TJP1: variants seen among roughly 807,000 people sequenced by gnomAD.
TJP1 encodes the protein tight junction protein ZO-1.
In TJP1, 43 loss-of-function variants were observed where a neutral mutation model predicts 194.2. The observed-to-expected ratio is 0.22, with a 90% CI of 0.17 to 0.29. TJP1 has a LOEUF of 0.29. Among genes scored for constraint, TJP1 ranks in the 10% least tolerant of loss-of-function variants. The pLI, the probability that TJP1 is intolerant of heterozygous loss-of-function variation, is 1.00. For missense variants in TJP1, 1,971 were observed against 2,185.7 expected (o/e 0.90, Z 1.96); for synonymous variants, 801 against 779.0 (o/e 1.03, Z -0.47).
chr15:29,950,710 T>C (rs1472748227), intron 2 of TJP1, among the ~76,000 whole-genome samples: 1 of 152,178 alleles, frequency 6.6e-6, no homozygotes, highest in Non-Finnish European at 1.5e-5. Flanking sequence ...CTTTCTACCG[T>C]GTTCTCACCA....
chr15:29,845,170 A>G (rs190886807), intron 2 of TJP1, among the ~76,000 whole-genome samples: 1 of 152,316 alleles, frequency 6.6e-6, no homozygotes, highest in East Asian at 1.9e-4. Flanking sequence ...TAAGTTTAAG[A>G]TGAGAATTTG....
At chr15:29,739,007 A>C (rs1297370979) in intron 10 of TJP1, among the ~76,000 whole-genome samples, 2 of 151,890 alleles carry the variant, frequency 1.3e-5, no homozygotes, top group Non-Finnish European at 1.5e-5. Context: ...TCACACCATT[A>C]TACTCTAGCC....
At chr15:29,738,937 C>T (rs899114061) in intron 10 of TJP1, among the ~76,000 whole-genome samples, 4 of 150,254 alleles carry the variant, frequency 2.7e-5, no homozygotes, top group Non-Finnish European at 5.9e-5. Context: ...CTAGCTACTC[C>T]GAAGGCTGAG....
chr15:29,857,823 G>C (rs1193382921), intron 2 of TJP1, among the ~76,000 whole-genome samples: 2 of 152,122 alleles, frequency 1.3e-5, no homozygotes, highest in African/African-American at 4.8e-5. Context: ...GTGCAATGGT[G>C]TGGTCTCAGC....
At chr15:29,753,662 G>A (rs1482245215) in intron 8 of TJP1, among the ~76,000 whole-genome samples, 1 of 152,008 alleles carries the variant, frequency 6.6e-6, no homozygotes, top group Non-Finnish European at 1.5e-5. Flanking sequence ...GGTGCCGCCT[G>A]TTGATCACTC....
At chr15:29,751,189 C>T (rs560041622) in intron 8 of TJP1, among the ~76,000 whole-genome samples, 2 of 152,304 alleles carry the variant, frequency 1.3e-5, no homozygotes, top group East Asian at 1.9e-4. Flanking sequence ...AGGGCTGGTA[C>T]TTGGGAACAA....
chr15:29,900,972 T>C (rs1396343119), intron 2 of TJP1, among the ~76,000 whole-genome samples: 3 of 152,106 alleles, frequency 2.0e-5, no homozygotes, highest in Admixed American at 2.0e-4. Context: ...GGAGGATATC[T>C]AGGAGGGCTG....
At chr15:29,824,668 A>G (rs1163841096), upstream of TJP1, among the ~76,000 whole-genome samples, 2 of 152,242 alleles carry the variant, frequency 1.3e-5, no homozygotes, top group Middle Eastern at 3.2e-3. Flanking sequence ...GACCTTTCAC[A>G]TTATCTTTAC....
At position 29,821,972 on chromosome 15, in the gene TJP1, T is replaced by C. The variant is rs776822644; in HGVS notation, c.27+30A>G. The C allele has an allele frequency of 4.6e-4, 588 of 1,276,358 alleles. 3 individuals carry two copies. Among genetic ancestry groups the C allele is most frequent in the Non-Finnish European group, 5.5e-4 (552 of 1,012,204 alleles). The allele number at this position is 1,276,358 out of a possible 1,614,324, so 79.1% of individuals were successfully genotyped here. On this transcript the variant is annotated intron_variant, in intron 1 of 27. Coordinates refer to ENST00000614355, the MANE Select transcript of TJP1 (RefSeq NM_001330239.4). Reference sequence around the variant, plus strand: ...GGGCGGGCGGCGACGGTCGGCCCGGTCTGGCCCTGGCGGCCGCGGAGGCGC... The same window carrying C: ...GGGCGGGCGGCGACGGTCGGCCCGGCCTGGCCCTGGCGGCCGCGGAGGCGC...
At chr15:29,956,398 G>C (rs1262638947) in intron 1 of TJP1, 1 of 1,275,266 alleles carries the variant, frequency 7.8e-7, no homozygotes, top group Non-Finnish European at 1.0e-6. Flanking sequence ...AAAAAGGCAG[G>C]TTTACAGGTG....
chr15:29,821,173 G>C (rs2050312965), intron 1 of TJP1, among the ~76,000 whole-genome samples: 1 of 152,100 alleles, frequency 6.6e-6, no homozygotes, highest in African/African-American at 2.4e-5. Flanking sequence ...TGTTTTTCAG[G>C]AACTTTGGCT....
At chr15:29,968,569 G>T (rs1330032945) in intron 1 of TJP1, 1 of 817,708 alleles carries the variant, frequency 1.2e-6, no homozygotes, top group South Asian at 5.5e-5. Flanking sequence ...CTCGCCCCCC[G>T]CCCGACCGCC....
chr15:29,858,830 T>G (rs1421992791), intron 2 of TJP1, among the ~76,000 whole-genome samples: 1 of 152,086 alleles, frequency 6.6e-6, no homozygotes, highest in African/African-American at 2.4e-5. Flanking sequence ...TACAGGCCTG[T>G]GCCACCATTT....
chr15:29,802,682 C>T (rs1007327800), intron 1 of TJP1, among the ~76,000 whole-genome samples: 1 of 151,954 alleles, frequency 6.6e-6, no homozygotes, highest in African/African-American at 2.4e-5. Context: ...AACAGTCCCA[C>T]TAACATACAC....
At chr15:29,930,420 G>A (rs1379749625) in intron 2 of TJP1, among the ~76,000 whole-genome samples, 1 of 152,124 alleles carries the variant, frequency 6.6e-6, no homozygotes, top group Non-Finnish European at 1.5e-5. Flanking sequence ...TATCATACTA[G>A]AAAATACTTT....
intron 4 of TJP1, among the ~76,000 whole-genome samples, chr15:29,771,568 G>C (rs1267017262): frequency 6.6e-6 from 1 of 152,100 alleles, no homozygotes; most frequent in Non-Finnish European, 1.5e-5. Context: ...CACTTTGGGA[G>C]GCCGAGGCAG....
At chr15:29,897,788 T>C (rs785430) in intron 2 of TJP1, among the ~76,000 whole-genome samples, 26,106 of 152,204 alleles carry the variant, frequency 0.17, 2,389 homozygotes, top group South Asian at 0.24. Context: ...TGCTGGATTT[T>C]GGACTCACAT....
chr15:29,957,558 A>G (rs533964357), intron 1 of TJP1, among the ~76,000 whole-genome samples: 23 of 152,164 alleles, frequency 1.5e-4, no homozygotes, highest in Non-Finnish European at 2.9e-4. Context: ...ATATATCTTA[A>G]CGTTCTTCCC....
intron 2 of TJP1, among the ~76,000 whole-genome samples, chr15:29,892,007 G>C (rs922193508): frequency 6.6e-6 from 1 of 152,202 alleles, no homozygotes; most frequent in African/African-American, 2.4e-5. Context: ...GATGAAATAC[G>C]CTGAAAGCTA....
Sources: gnomAD v4.1 joint callset for allele counts (sites outside exome capture counted in the v4.1 genomes callset) on GRCh38, gnomAD v4.1.1 for gene constraint, MANE v1.5 for transcripts, NCBI Gene and HGNC (gene_info 2026-07-23, HGNC 2026-07-21) for gene names.